The following NRXN1 variants were observed in gnomAD, a reference collection of about 807,000 sequenced individuals.
NRXN1 encodes neurexin 1.
Under a neutral mutation model 150.9 loss-of-function variants are expected in NRXN1, and 39 were observed. The ratio of observed to expected loss-of-function variants is 0.26; its 90% CI spans 0.20 to 0.34. The LOEUF is 0.34. Ranked by LOEUF, NRXN1 falls within the 10% of genes least tolerant of loss-of-function variation. The pLI is 1.00. For synonymous variants in NRXN1, 924 were observed against 757.0 expected (o/e 1.22, Z -3.62); for missense variants, 1,815 against 1,949.9 (o/e 0.93, Z 1.30).
rs1400940465 is a variant in NRXN1 at position 50,817,281 on chromosome 2, G to GA, written c.832+104587dup. ...TCCAGAAAAAGTATATAAATTCCTA[G>GA]AAACATACAACCTATCAACTGAATC... On this transcript the variant is annotated intron_variant, in intron 5 of 22. Coordinates refer to ENST00000401669, the MANE Select transcript of NRXN1 (RefSeq NM_001330078.2). Among the ~76,000 whole-genome samples, 4 of 152,050 alleles carry GA rather than the reference G, an allele frequency of 2.6e-5. No homozygotes were observed. In the South Asian group the frequency reaches 6.2e-4, roughly 24 times the overall value.
intron 5 of NRXN1, chr2:50,898,547 C>T (rs961484262): frequency 1.5e-5 from 7 of 464,356 alleles, no homozygotes; most frequent in Middle Eastern, 3.3e-4. Flanking sequence ...TGCATATATC[C>T]GTAGGGAGGT....
intron 5 of NRXN1, among the ~76,000 whole-genome samples, chr2:50,697,185 C>T (rs1048460640): frequency 9.9e-5 from 15 of 152,116 alleles, no homozygotes; most frequent in African/African-American, 2.7e-4. Context: ...ATTTTGCACA[C>T]GTAATTCTGA....
At chr2:50,446,015 A>G (rs1321434550) in intron 17 of NRXN1, among the ~76,000 whole-genome samples, 1 of 152,032 alleles carries the variant, frequency 6.6e-6, no homozygotes, top group Non-Finnish European at 1.5e-5. Context: ...GTTATCCCTC[A>G]CTCATAAAGC....
intron 21 of NRXN1, among the ~76,000 whole-genome samples, chr2:50,032,553 A>T (rs1378700230): frequency 6.6e-6 from 1 of 152,096 alleles, no homozygotes; most frequent in Non-Finnish European, 1.5e-5. Flanking sequence ...GAGAGCTAAA[A>T]GCTGTTTCAA....
chr2:50,579,255 G>C (rs1671889942), intron 8 of NRXN1, among the ~76,000 whole-genome samples: 1 of 152,166 alleles, frequency 6.6e-6, no homozygotes, highest in African/African-American at 2.4e-5. Context: ...ACTAAGTCTA[G>C]GATGGGATTG....
chr2:50,472,591 T>C (rs984963968), intron 15 of NRXN1, 120 bp from the exon 16 acceptor site: 5 of 711,414 alleles, frequency 7.0e-6, no homozygotes, highest in African/African-American at 5.8e-5. Flanking sequence ...AATTAATTTA[T>C]GACTAGCTGT....
intron 8 of NRXN1, among the ~76,000 whole-genome samples, chr2:50,584,218 C>G (rs540210149): frequency 6.6e-6 from 1 of 152,190 alleles, no homozygotes; most frequent in Non-Finnish European, 1.5e-5. Flanking sequence ...GGTATGTTGC[C>G]CTAAGAAAGT....
At chr2:50,004,829 C>T (rs1368025033) in intron 21 of NRXN1, among the ~76,000 whole-genome samples, 2 of 152,146 alleles carry the variant, frequency 1.3e-5, no homozygotes, top group African/African-American at 4.8e-5. Flanking sequence ...TTCCTTGCTA[C>T]ACGCATCTAG....
chr2:50,081,271 A>G (rs1697921452), intron 19 of NRXN1, among the ~76,000 whole-genome samples: 1 of 152,166 alleles, frequency 6.6e-6, no homozygotes, highest in South Asian at 2.1e-4. Flanking sequence ...TTAGAAGTTA[A>G]GTGACATTAA....
chr2:50,911,045 CT>C (rs1684441470), intron 5 of NRXN1, among the ~76,000 whole-genome samples: 2 of 152,026 alleles, frequency 1.3e-5, no homozygotes, highest in South Asian at 4.1e-4. Flanking sequence ...TTATGTGGCA[CT>C]TTCAAATACT....
chr2:50,495,828 C>G, intron 15 of NRXN1, 77 bp downstream of exon 15: 2 of 1,312,674 alleles, frequency 1.5e-6, no homozygotes, highest in Non-Finnish European at 2.1e-6. Flanking sequence ...ACAAACACAC[C>G]CCTAAGCAAA....
At position 51,027,478 on chromosome 2, in the gene NRXN1, C is replaced by G. The variant is rs751673680; in HGVS notation, c.772+24G>C. The G allele has an allele frequency of 3.3e-6, 5 of 1,493,944 alleles. No homozygotes were observed. The South Asian group carries it at 5.5e-5, about 16-fold the overall frequency. The allele number at this position is 1,493,944 out of a possible 1,614,324, so 92.5% of individuals were successfully genotyped here. A position where few individuals can be genotyped will look rare whatever the true frequency, so the allele number is the denominator to read the frequency against. ...CGAGCCCCGCCCAGGCCCCGGCCCC[C>G]GTGGGTCGGGCGTCGGGCCTTACCT... On this transcript the variant is annotated intron_variant, in intron 2 of 22. Transcript: ENST00000401669.
At chr2:50,421,423 A>G (rs1171833592) in intron 17 of NRXN1, among the ~76,000 whole-genome samples, 1 of 152,132 alleles carries the variant, frequency 6.6e-6, no homozygotes, top group Non-Finnish European at 1.5e-5. Context: ...CTATTAAGCA[A>G]AGAATACATC....
chr2:50,287,396 C>T (rs2072333650), intron 17 of NRXN1, among the ~76,000 whole-genome samples: 1 of 152,058 alleles, frequency 6.6e-6, no homozygotes, highest in South Asian at 2.1e-4. Context: ...GGATAGGAGA[C>T]TAAAAATTGA....
chr2:50,344,346 G>A (rs2077769148), intron 17 of NRXN1, among the ~76,000 whole-genome samples: 1 of 152,038 alleles, frequency 6.6e-6, no homozygotes, highest in African/African-American at 2.4e-5. Context: ...CTTTTATTTG[G>A]CAGGGGTTGG....
At chr2:50,249,928 G>A (rs964630188) in intron 17 of NRXN1, among the ~76,000 whole-genome samples, 2 of 152,008 alleles carry the variant, frequency 1.3e-5, no homozygotes, top group Non-Finnish European at 2.9e-5. Context: ...GTGAGCCACC[G>A]TGCCTGGCCC....
intron 17 of NRXN1, among the ~76,000 whole-genome samples, chr2:50,333,656 C>T (rs530120834): frequency 6.6e-6 from 1 of 152,006 alleles, no homozygotes; most frequent in South Asian, 2.1e-4. Context: ...GAACACAAGG[C>T]AGGCATGTTA....
chr2:50,182,115 T>TTA (rs1553721842), intron 18 of NRXN1, among the ~76,000 whole-genome samples: 2 of 151,336 alleles, frequency 1.3e-5, no homozygotes, highest in Non-Finnish European at 2.9e-5. Flanking sequence ...ATTATCCTTT[T>TTA]TTTTTTTTTT....
At chr2:50,527,131 A>T (rs1402649174) in intron 12 of NRXN1, among the ~76,000 whole-genome samples, 1 of 152,196 alleles carries the variant, frequency 6.6e-6, no homozygotes, top group African/African-American at 2.4e-5. Flanking sequence ...ATAAAATAAA[A>T]AGAGTACATA....
Sources: gnomAD v4.1 joint callset for allele counts (sites outside exome capture counted in the v4.1 genomes callset) on GRCh38, gnomAD v4.1.1 for gene constraint, MANE v1.5 for transcripts, NCBI Gene and HGNC (gene_info 2026-07-23, HGNC 2026-07-21) for gene names.